SPPL3: variants seen among roughly 807,000 people sequenced by gnomAD.
The protein encoded by SPPL3 is signal peptide peptidase like 3.
A neutral mutation model predicts 42.4 loss-of-function variants in SPPL3; 5 were observed. That is an observed-to-expected ratio of 0.12 (90% CI 0.06 to 0.25). The LOEUF (loss-of-function observed/expected upper bound fraction) is 0.25, where lower values mean the gene tolerates loss of function less well. Ranked by LOEUF, SPPL3 falls within the 10% of genes least tolerant of loss-of-function variation. The pLI is 1.00. For synonymous variants in SPPL3, 195 were observed against 181.8 expected (o/e 1.07, Z -0.58); for missense variants, 235 against 489.0 (o/e 0.48, Z 4.90).
intron 1 of SPPL3, among the ~76,000 whole-genome samples, chr12:120,886,128 C>G (rs1328951707): frequency 6.6e-6 from 1 of 151,388 alleles, no homozygotes; most frequent in Non-Finnish European, 1.5e-5. Context: ...CAGGCGTGAG[C>G]CACCACGCCC....
intron 1 of SPPL3, among the ~76,000 whole-genome samples, chr12:120,863,742 A>C (rs1200574414): frequency 6.6e-6 from 1 of 151,204 alleles, no homozygotes; most frequent in Non-Finnish European, 1.5e-5. Context: ...CCTGGGCTGA[A>C]GCTATCCTCC....
At chr12:120,843,392 G>C (rs993251325) in intron 1 of SPPL3, among the ~76,000 whole-genome samples, 1 of 152,226 alleles carries the variant, frequency 6.6e-6, no homozygotes, top group Non-Finnish European at 1.5e-5. Context: ...TGCGTGTCAA[G>C]ATTATGACTG....
Position 120,784,535 on chromosome 12 carries a change from A to G in SPPL3, c.249T>C (p.Ser83=). 1.2e-6 allele frequency: 2 copies of G among 1,613,280 alleles called. No individual in the cohort carries two copies. Among genetic ancestry groups the G allele is most frequent in the Non-Finnish European group, 1.7e-6 (2 of 1,179,398 alleles). The change falls in exon 4 of 11, where the codon TCT becomes TCC. Residue 83 remains serine (S), a synonymous_variant. Transcript: ENST00000353487. ...ALFLPIGASV[S]LLVMFFFFDS... ...CAAAGAAGAAGAACATTACTAAAAG[A>G]GAGACAGATGCTCCAATTGGAAGGA...
At chr12:120,802,138 G>A (rs1370888361) in intron 2 of SPPL3, among the ~76,000 whole-genome samples, 1 of 151,860 alleles carries the variant, frequency 6.6e-6, no homozygotes, top group Non-Finnish European at 1.5e-5. Flanking sequence ...GATTAAAAAG[G>A]ATTTTCTGAG....
intron 2 of SPPL3, among the ~76,000 whole-genome samples, chr12:120,792,918 T>C (rs1212658780): frequency 1.3e-5 from 2 of 152,014 alleles, no homozygotes; most frequent in African/African-American, 2.4e-5. Context: ...TTCTTAGATA[T>C]GATGCTAAAA....
intron 6 of SPPL3, among the ~76,000 whole-genome samples, chr12:120,771,856 T>C (rs529418191): frequency 6.6e-6 from 1 of 152,302 alleles, no homozygotes; most frequent in Admixed American, 6.5e-5. Flanking sequence ...TTCTAGACAG[T>C]TCAACACAAT....
chr12:120,811,407 A>G (rs2137001922), intron 1 of SPPL3: 1 of 152,452 alleles, frequency 6.6e-6, no homozygotes, highest in African/African-American at 2.4e-5. Context: ...TCCACCACAA[A>G]TACTCTCTCC....
At chr12:120,862,342 A>G (rs930576274) in intron 1 of SPPL3, among the ~76,000 whole-genome samples, 1 of 152,156 alleles carries the variant, frequency 6.6e-6, no homozygotes, top group Non-Finnish European at 1.5e-5. Context: ...CAATTCTGAC[A>G]CTATTACCCA....
At chr12:120,834,065 T>G (rs1871527700) in intron 1 of SPPL3, among the ~76,000 whole-genome samples, 1 of 152,156 alleles carries the variant, frequency 6.6e-6, no homozygotes, top group South Asian at 2.1e-4. Context: ...TGTCCTGAAA[T>G]TATAGTATTT....
intron 1 of SPPL3, among the ~76,000 whole-genome samples, chr12:120,825,803 G>C (rs776580166): frequency 2.0e-5 from 3 of 152,184 alleles, no homozygotes; most frequent in African/African-American, 7.2e-5. Flanking sequence ...TTGGGCAGAA[G>C]AGACTAGAAT....
chr12:120,880,096 C>T (rs1387159191), intron 1 of SPPL3, among the ~76,000 whole-genome samples: 1 of 150,948 alleles, frequency 6.6e-6, no homozygotes, highest in Non-Finnish European at 1.5e-5. Flanking sequence ...TATTGACTCA[C>T]ACCACTCAAC....
chr12:120,785,265 AATTT>A (rs1348148305), intron 3 of SPPL3, among the ~76,000 whole-genome samples: 2 of 151,758 alleles, frequency 1.3e-5, no homozygotes, highest in Non-Finnish European at 2.9e-5. Context: ...CAAAAAAAAA[AATTT>A]ATTTTATGGG....
intron 1 of SPPL3, among the ~76,000 whole-genome samples, chr12:120,827,819 ACT>A (rs1871275837): frequency 6.6e-6 from 1 of 151,250 alleles, no homozygotes. Context: ...GACAAGTCTC[ACT>A]CTGTTGCCCA....
At chr12:120,887,906 G>A (rs770491316) in intron 1 of SPPL3, among the ~76,000 whole-genome samples, 5 of 152,152 alleles carry the variant, frequency 3.3e-5, no homozygotes, top group Admixed American at 6.6e-5. Context: ...ACACATTGCT[G>A]GTGGTAATGT....
intron 1 of SPPL3, among the ~76,000 whole-genome samples, chr12:120,871,771 A>C (rs912446108): frequency 2.6e-5 from 4 of 152,278 alleles, no homozygotes; most frequent in African/African-American, 7.2e-5. Flanking sequence ...GATAAAAAAA[A>C]AGGGCACAGT....
intron 1 of SPPL3, among the ~76,000 whole-genome samples, chr12:120,881,633 TA>T (rs1004236506): frequency 6.6e-6 from 1 of 150,796 alleles, no homozygotes; most frequent in Non-Finnish European, 1.5e-5. Flanking sequence ...TCATAGTAAC[TA>T]AAAGGTGGAA....
chr12:120,809,351 A>G (rs941859509), intron 2 of SPPL3, among the ~76,000 whole-genome samples: 3 of 151,912 alleles, frequency 2.0e-5, no homozygotes, highest in Non-Finnish European at 4.4e-5. Context: ...TCTCAAAAAA[A>G]AAAACACCAA....
intron 1 of SPPL3, among the ~76,000 whole-genome samples, chr12:120,882,562 A>C (rs1266436705): frequency 6.6e-6 from 1 of 152,156 alleles, no homozygotes; most frequent in Non-Finnish European, 1.5e-5. Flanking sequence ...ATCAGGAATA[A>C]AAGTGATATA....
At chr12:120,883,035 T>TACCAC (rs1185293377) in intron 1 of SPPL3, among the ~76,000 whole-genome samples, 1 of 152,126 alleles carries the variant, frequency 6.6e-6, no homozygotes, top group Non-Finnish European at 1.5e-5. Flanking sequence ...CCGGGCGTGG[T>TACCAC]GGCTCACAAC....
Sources: allele counts gnomAD v4.1 joint callset (sites outside exome capture counted in the v4.1 genomes callset), GRCh38; gene constraint gnomAD v4.1.1; transcripts MANE v1.5; gene names NCBI Gene and HGNC (gene_info 2026-07-23, HGNC 2026-07-21).